Variants in EIF5B observed in about 807,000 individuals in gnomAD.
EIF5B encodes the protein eIF-5B.
EIF5B carries 47 observed loss-of-function variants against 147.5 expected under a neutral mutation model. That is an observed-to-expected ratio of 0.32 (90% CI 0.25 to 0.41). The LOEUF is 0.41. Among genes scored for constraint, EIF5B ranks in the 10% least tolerant of loss-of-function variants. The probability of loss-of-function intolerance (pLI) is 1.00; values close to 1 mark genes in which losing one functional copy is unlikely to be tolerated. For synonymous variants in EIF5B, 455 were observed against 456.2 expected, an observed-to-expected ratio of 1.00 and a Z score of 0.03; for missense variants, 1,064 against 1,413.2, an observed-to-expected ratio of 0.75 and a Z score of 3.96.
At chr2:99,342,259 C>T (rs1291515561) in intron 1 of EIF5B, among the ~76,000 whole-genome samples, 1 of 151,656 alleles carries the variant, frequency 6.6e-6, no homozygotes, top group Non-Finnish European at 1.5e-5. Context: ...GTAATACTTG[C>T]CAAGGTAAAT....
intron 15 of EIF5B, 59 bp from the exon 16 acceptor site, chr2:99,390,160 C>A: frequency 1.9e-6 from 3 of 1,594,928 alleles, no homozygotes; most frequent in Non-Finnish European, 1.7e-6. Context: ...TAGTGAGGCA[C>A]ACCTATTCCA....
chr2:99,370,986 T>C (rs1408440826), intron 8 of EIF5B, among the ~76,000 whole-genome samples: 1 of 152,130 alleles, frequency 6.6e-6, no homozygotes, highest in Non-Finnish European at 1.5e-5. Context: ...AGTTGGATGA[T>C]CAAAAAGAAG....
intron 1 of EIF5B, among the ~76,000 whole-genome samples, chr2:99,338,977 T>C (rs1296244130): frequency 1.1e-4 from 15 of 138,666 alleles, no homozygotes; most frequent in Admixed American, 2.2e-4. Context: ...TATATATATA[T>C]ACAAATATAT....
At chr2:99,393,995 A>T (rs986617962) in intron 18 of EIF5B, among the ~76,000 whole-genome samples, 6 of 152,194 alleles carry the variant, frequency 3.9e-5, no homozygotes, top group African/African-American at 1.4e-4. Flanking sequence ...AATTCTGCCC[A>T]CCCATCTACT....
Position 99,390,598 on chromosome 2 carries a change from C to T in EIF5B, c.2641C>T (p.Arg881Cys), listed in dbSNP as rs1313208013. ...TATAGATGTCATCTTGATCAATGGG[C>T]GTTTGAAGGAAGGAGATACAATCAT... ...TTIDVILINGRLKEGDTIIVP... is the reference protein window; with the variant it reads ...TTIDVILINGCLKEGDTIIVP... The change falls in exon 17 of 24, where the codon CGT (arginine) becomes TGT (cysteine). Residue 881 changes from arginine (R) to cysteine (C), a missense_variant. Physicochemically the swap from Arg to Cys is radical, Grantham distance 180. Transcript: ENST00000289371. 2.7e-5 allele frequency: 44 copies of T among 1,612,544 alleles called. No homozygotes were observed. The highest frequency in any genetic ancestry group is 2.7e-4 in the East Asian group (12 of 44,808).
chr2:99,394,908 T>A, intron 21 of EIF5B, 25 bp downstream of exon 21: 1 of 1,533,740 alleles, frequency 6.5e-7, no homozygotes, highest in Non-Finnish European at 8.8e-7. Context: ...TTATTTACTT[T>A]GAGTCTTTGT....
intron 14 of EIF5B, among the ~76,000 whole-genome samples, chr2:99,386,081 A>T (rs2104238043): frequency 1.3e-5 from 2 of 152,356 alleles, no homozygotes; most frequent in Middle Eastern, 3.4e-3. Flanking sequence ...TTTGAATAGT[A>T]GTCCATTATC....
chr2:99,361,064 TA>T (rs1267410806), intron 3 of EIF5B, 83 bp from the exon 4 acceptor site: 7 of 1,204,060 alleles, frequency 5.8e-6, no homozygotes, highest in African/African-American at 1.6e-5. Flanking sequence ...TTGAGATTTT[TA>T]AAAAATGTTT....
At chr2:99,394,161 A>G (rs1674996960) in intron 18 of EIF5B, 106 bp from the exon 19 acceptor site, 1 of 1,422,394 alleles carries the variant, frequency 7.0e-7, no homozygotes, top group Non-Finnish European at 9.5e-7. Flanking sequence ...CCTTAGTTTC[A>G]TATTTGCAGA....
chr2:99,337,722 G>A, intron 1 of EIF5B, 133 bp downstream of exon 1: 1 of 1,217,950 alleles, frequency 8.2e-7, no homozygotes, highest in East Asian at 2.8e-5. Flanking sequence ...TGGGCCCAGA[G>A]TGTGCGGAGC....
chr2:99,344,492 A>C (rs533447593), intron 1 of EIF5B, among the ~76,000 whole-genome samples: 29 of 151,376 alleles, frequency 1.9e-4, no homozygotes, highest in Non-Finnish European at 3.7e-4. Flanking sequence ...GCTGGAGTAC[A>C]GTGGTGTGAT....
At chr2:99,379,506 CAG>C (rs1012262112) in intron 12 of EIF5B, 78 bp downstream of exon 12, 13 of 1,129,892 alleles carry the variant, frequency 1.2e-5, no homozygotes, top group African/African-American at 1.6e-5. Flanking sequence ...AGAAAAAGGA[CAG>C]AGACTAGGAT....
chr2:99,388,814 T>C (rs1674863680), intron 14 of EIF5B, among the ~76,000 whole-genome samples: 1 of 152,194 alleles, frequency 6.6e-6, no homozygotes, highest in Non-Finnish European at 1.5e-5. Flanking sequence ...ATCAGAGTAA[T>C]GTTGGCCTCC....
intron 22 of EIF5B, chr2:99,397,952 T>C (rs968727856): frequency 4.0e-5 from 6 of 151,570 alleles, no homozygotes; most frequent in Non-Finnish European, 7.4e-5. Flanking sequence ...TTTAATATAA[T>C]CCATTACCTT....
intron 1 of EIF5B, among the ~76,000 whole-genome samples, chr2:99,348,021 A>G (rs1001060464): frequency 3.3e-5 from 5 of 152,202 alleles, no homozygotes; most frequent in Admixed American, 3.3e-4. Context: ...AGTTTGTAAA[A>G]GCTGTACTGA....
At position 99,361,485 on chromosome 2, in the gene EIF5B, A is replaced by C. The variant is rs1674213524; in HGVS notation, c.584A>C (p.Gln195Pro). 1.2e-6 allele frequency: 2 copies of C among 1,613,998 alleles called. No individual in the cohort carries two copies. The highest frequency in any genetic ancestry group is 8.5e-7 in the Non-Finnish European group (1 of 1,179,978). Reference protein sequence around the residue: ...ESGDESDEFLQSRKGQKKNQK... With the variant: ...ESGDESDEFLPSRKGQKKNQK... The stretch of plus-strand genomic sequence containing the variant: ...GGTGATGAATCAGATGAATTTTTGC[A>C]ATCTAGAAAAGGACAGAAAAAAAAT... Residue 195 changes from glutamine to proline, a missense_variant, in exon 4 of 24, where the codon CAA (glutamine) becomes CCA (proline). Around this residue, in one of 4 missense-constraint regions of EIF5B, gnomAD observed 458 missense variants for 451.3 expected, o/e 1.01. Coordinates refer to ENST00000289371, the MANE Select transcript of EIF5B (RefSeq NM_015904.4).
chr2:99,352,080 A>G (rs1673978023), intron 1 of EIF5B, among the ~76,000 whole-genome samples: 1 of 152,052 alleles, frequency 6.6e-6, no homozygotes, highest in African/African-American at 2.4e-5. Context: ...CTCATTGGTT[A>G]TGTGTCTGTT....
Position 99,390,442 on chromosome 2 carries a change from A to T in EIF5B, c.2586+41A>T, listed in dbSNP as rs77346419. ...TCAGTTTATTGTTTTTTTTTTTTTTAAAAATAGCAAGTTCCTTGAGTGGAG... is the reference window on the plus strand; with the variant it reads ...TCAGTTTATTGTTTTTTTTTTTTTTTAAAATAGCAAGTTCCTTGAGTGGAG... On this transcript the variant is annotated intron_variant, in intron 16 of 23. Coordinates refer to ENST00000289371, the MANE Select transcript of EIF5B (RefSeq NM_015904.4). 4.8e-3 allele frequency: 5,829 copies of T among 1,205,610 alleles called. 8 individuals carry two copies. Among genetic ancestry groups the T allele is most frequent in the Middle Eastern group, 7.1e-3 (35 of 4,910 alleles). The allele number at this position is 1,205,610 out of a possible 1,614,324, so 74.7% of individuals were successfully genotyped here.
intron 1 of EIF5B, among the ~76,000 whole-genome samples, chr2:99,359,370 A>G (rs753308180): frequency 5.3e-5 from 8 of 152,226 alleles, no homozygotes; most frequent in Middle Eastern, 6.8e-3. Context: ...GTCCGTCTCA[A>G]AAAAAGGAAA....
Sources: allele counts gnomAD v4.1 joint callset (sites outside exome capture counted in the v4.1 genomes callset), GRCh38; gene constraint gnomAD v4.1.1; regional missense constraint gnomAD v4.1.1; transcripts MANE v1.5; gene names NCBI Gene and HGNC (gene_info 2026-07-23, HGNC 2026-07-21).